The following SRGAP2C variants were observed in gnomAD, a reference collection of about 807,000 sequenced individuals.
The protein encoded by SRGAP2C is SLIT-ROBO Rho GTPase-activating protein 2C.
In SRGAP2C, 15 loss-of-function variants were observed where a neutral mutation model predicts 25.1. The ratio of observed to expected loss-of-function variants is 0.60; its 90% CI spans 0.40 to 0.92. SRGAP2C has a LOEUF of 0.92. SRGAP2C is among the 40% of genes least tolerant of loss of function. The pLI is 0.00. For missense variants in SRGAP2C, 144 were observed against 264.4 expected, an observed-to-expected ratio of 0.54 and a Z score of 3.16; for synonymous variants, 44 against 96.6, an observed-to-expected ratio of 0.46 and a Z score of 3.19.
At chr1:121,234,812 C>G (rs1402424504) in intron 2 of SRGAP2C, among the ~76,000 whole-genome samples, 1 of 149,062 alleles carries the variant, frequency 6.7e-6, no homozygotes, top group African/African-American at 2.6e-5. Flanking sequence ...TTCAGCCCCT[C>G]TTGCCCTCTT....
rs587676487 is a variant in SRGAP2C, at chr1:121,239,038, G to A, written c.68-45765G>A. Among the ~76,000 whole-genome samples the A allele has an allele frequency of 1.1e-3, 141 of 132,918 alleles. 3 individuals are homozygous for A. In the South Asian group the frequency reaches 0.034, roughly 32 times the overall value. The allele number at this position is 132,918 out of a possible 152,430, so 87.2% of individuals were successfully genotyped here. On this transcript the variant is annotated intron_variant, in intron 2 of 9. Transcript: ENST00000367123. ...AGAGGCAATAACAGTTTAGATAATA[G>A]ATATTTACTGAGCCCCTGCTAAGTG...
At chr1:121,323,356 C>T (rs1658249790) in intron 3 of SRGAP2C, among the ~76,000 whole-genome samples, 2 of 152,108 alleles carry the variant, frequency 1.3e-5, no homozygotes, top group East Asian at 3.9e-4. Context: ...TGGCTCACTC[C>T]TATAATCCCA....
intron 4 of SRGAP2C, among the ~76,000 whole-genome samples, chr1:121,347,942 C>A (rs1472631836): frequency 1.4e-5 from 2 of 141,834 alleles, no homozygotes; most frequent in Non-Finnish European, 3.1e-5. Context: ...TTTGCGATAA[C>A]TACAGCAAGC....
chr1:121,263,207 C>T (rs1241958102), intron 2 of SRGAP2C, among the ~76,000 whole-genome samples: 3 of 150,386 alleles, frequency 2.0e-5, no homozygotes, highest in African/African-American at 7.3e-5. Context: ...ACTTATAATC[C>T]TAGCTACTCC....
In SRGAP2C at chr1:121,391,074, A is replaced by G. The variant is rs1251684287; in HGVS notation, c.*3219A>G. On this transcript the variant is annotated 3_prime_UTR_variant, in exon 10 of 10. Transcript: ENST00000367123. ...AAAAGAAAGATTAAAAAATAAATAAATCTGCTGGGCGTGGTGGCTCACGCC... is the reference window on the plus strand; with the variant it reads ...AAAAGAAAGATTAAAAAATAAATAAGTCTGCTGGGCGTGGTGGCTCACGCC... The G allele has an allele frequency of 1.4e-5, 2 of 147,252 alleles. No individual in the cohort carries two copies. Among genetic ancestry groups the G allele is most frequent in the African/African-American group, 2.5e-5 (1 of 39,850 alleles). 9.1% of individuals were successfully genotyped at this position (147,252 alleles called of 1,614,324 possible).
intron 3 of SRGAP2C, among the ~76,000 whole-genome samples, chr1:121,286,763 A>G (rs1657377884): frequency 1.3e-5 from 2 of 151,086 alleles, no homozygotes; most frequent in South Asian, 2.1e-4. Flanking sequence ...AAGCCCCTCT[A>G]CATCTGGAAA....
At position 121,389,465 on chromosome 1, in the gene SRGAP2C, ATATC is replaced by A. The variant is rs1660028367; in HGVS notation, c.*1613_*1616del. The stretch of plus-strand genomic sequence containing the variant: ...GAGAACTTTCATTTTTACTTCATAT[ATATC>A]TAAGCAGTTATAATAGGTTGATTTT... On this transcript the variant is annotated 3_prime_UTR_variant, in exon 10 of 10. Coordinates refer to ENST00000367123, the MANE Select transcript of SRGAP2C (RefSeq NM_001329984.2). 1 of 68,292 alleles carries A rather than the reference ATATC, an allele frequency of 1.5e-5. No homozygotes were observed. Among genetic ancestry groups the A allele is most frequent in the Non-Finnish European group, 2.9e-5 (1 of 34,306 alleles). 4.2% of individuals were successfully genotyped at this position (68,292 alleles called of 1,614,324 possible).
At chr1:121,235,085 G>C (rs1176286762) in intron 2 of SRGAP2C, among the ~76,000 whole-genome samples, 1 of 141,934 alleles carries the variant, frequency 7.0e-6, no homozygotes, top group Non-Finnish European at 1.5e-5. Context: ...GCAGTGGCTA[G>C]ATCTCGGCTC....
intron 2 of SRGAP2C, among the ~76,000 whole-genome samples, chr1:121,202,192 G>T (rs1295963357): frequency 1.3e-5 from 2 of 152,008 alleles, no homozygotes; most frequent in Non-Finnish European, 2.9e-5. Context: ...TCATGTTTTT[G>T]CTGCTGTGGC....
intron 2 of SRGAP2C, among the ~76,000 whole-genome samples, chr1:121,248,636 C>T (rs1293830300): frequency 7.2e-3 from 1,058 of 146,874 alleles, no homozygotes; most frequent in African/African-American, 0.025. Flanking sequence ...TTAGTAGAGA[C>T]GGGGTTTCAC....
chr1:121,219,015 A>AT (rs1169027899), intron 2 of SRGAP2C, among the ~76,000 whole-genome samples: 2 of 152,084 alleles, frequency 1.3e-5, no homozygotes, highest in African/African-American at 2.4e-5. Context: ...TTCAGGAGGA[A>AT]TTTTTTTTAG....
chr1:121,260,449 G>A (rs1285084491), intron 2 of SRGAP2C, among the ~76,000 whole-genome samples: 1 of 151,934 alleles, frequency 6.6e-6, no homozygotes, highest in Non-Finnish European at 1.5e-5. Context: ...AGGTCAGAGA[G>A]GAGAGGGTGA....
At chr1:121,271,102 G>GTT (rs111688034) in intron 2 of SRGAP2C, among the ~76,000 whole-genome samples, 1 of 146,708 alleles carries the variant, frequency 6.8e-6, no homozygotes, top group East Asian at 2.0e-4. Context: ...CAGCTGGACT[G>GTT]TTTTTTTTTT....
chr1:121,385,309 G>A (rs1286609520), intron 8 of SRGAP2C, among the ~76,000 whole-genome samples: 5 of 107,606 alleles, frequency 4.6e-5, no homozygotes, highest in Non-Finnish European at 5.7e-5. Flanking sequence ...TGCCCTCAGA[G>A]GCTGTGGGAC....
rs1177885722 is a variant in SRGAP2C, at chr1:121,268,789, GT to G, written c.68-16012del. The stretch of plus-strand genomic sequence containing the variant: ...GTGTCAAGAGTTCAGGTTCGGGCAT[GT>G]TAAGTTCTAGGTACCTGTTAGATGG... On this transcript the variant is annotated intron_variant, in intron 2 of 9. Transcript: ENST00000367123. 1.6e-4 allele frequency among the ~76,000 whole-genome samples: 16 copies of G among 101,994 alleles called. 1 individual carries two copies. Among genetic ancestry groups the G allele is most frequent in the African/African-American group, 4.5e-4 (16 of 35,742 alleles). The allele number at this position is 101,994 out of a possible 152,430, so 66.9% of individuals were successfully genotyped here.
intron 2 of SRGAP2C, among the ~76,000 whole-genome samples, chr1:121,232,671 T>C (rs1295179910): frequency 6.6e-6 from 1 of 151,998 alleles, no homozygotes; most frequent in African/African-American, 2.4e-5. Context: ...CACTGACATA[T>C]TTCTAGTTTG....
intron 2 of SRGAP2C, among the ~76,000 whole-genome samples, chr1:121,198,207 C>T (rs28398255): frequency 0.6 from 75,108 of 124,724 alleles, 22,741 homozygotes; most frequent in East Asian, 0.77. Context: ...GAAGGAAAAA[C>T]AGTTGGGACA....
chr1:121,292,701 C>T lies in SRGAP2C; in HGVS notation c.260+7706C>T, dbSNP rs1191011427. Among the ~76,000 whole-genome samples the T allele has an allele frequency of 1.7e-4, 13 of 76,550 alleles. 5 individuals carry two copies. The highest frequency in any genetic ancestry group is 1.1e-3 in the Admixed American group (9 of 7,908). 50.2% of individuals were successfully genotyped at this position (76,550 alleles called of 152,430 possible). ...CAGCCAGCAGGAAAAGGCAACAGGA[C>T]GAGGGGAAGGTATGGCCTTATTTTT... On this transcript the variant is annotated intron_variant, in intron 3 of 9. Coordinates refer to ENST00000367123, the MANE Select transcript of SRGAP2C (RefSeq NM_001329984.2).
At chr1:121,310,854 T>C (rs1657966237) in intron 3 of SRGAP2C, among the ~76,000 whole-genome samples, 1 of 79,120 alleles carries the variant, frequency 1.3e-5, no homozygotes, top group Admixed American at 1.4e-4. Context: ...AGTCAGGTAG[T>C]GTGATGCCTC....
Sources: gnomAD v4.1 joint callset for allele counts (sites outside exome capture counted in the v4.1 genomes callset) on GRCh38, gnomAD v4.1.1 for gene constraint, MANE v1.5 for transcripts, NCBI Gene and HGNC (gene_info 2026-07-23, HGNC 2026-07-21) for gene names.